KIF2A: variants seen among roughly 807,000 people sequenced by gnomAD.
The protein encoded by KIF2A is kinesin family member 2A.
KIF2A carries 22 observed loss-of-function variants against 100.2 expected under a neutral mutation model. The observed-to-expected ratio is 0.22, with a 90% CI of 0.16 to 0.31. The LOEUF is 0.31. Ranked by LOEUF, KIF2A falls within the 10% of genes least tolerant of loss-of-function variation. The probability of loss-of-function intolerance (pLI) is 1.00; values close to 1 mark genes in which losing one functional copy is unlikely to be tolerated. For synonymous variants in KIF2A, 268 were observed against 285.9 expected, an observed-to-expected ratio of 0.94 and a Z score of 0.63; for missense variants, 495 against 898.7, an observed-to-expected ratio of 0.55 and a Z score of 5.74.
intron 1 of KIF2A, among the ~76,000 whole-genome samples, 157 bp downstream of exon 1, chr5:62,306,693 T>G (rs1745297514): frequency 6.6e-6 from 1 of 151,922 alleles, no homozygotes; most frequent in Admixed American, 6.5e-5. Context: ...TGTGTGCCAG[T>G]GAGGCCGGCT....
intron 17 of KIF2A, 57 bp from the exon 18 acceptor site, chr5:62,373,630 T>C: frequency 7.6e-7 from 1 of 1,317,696 alleles, no homozygotes; most frequent in Admixed American, 1.9e-5. Flanking sequence ...AGGCTGGTAT[T>C]TTCTCGTTCC....
intron 1 of KIF2A, among the ~76,000 whole-genome samples, chr5:62,310,797 C>G (rs1745518572): frequency 6.6e-6 from 1 of 152,092 alleles, no homozygotes; most frequent in Non-Finnish European, 1.5e-5. Flanking sequence ...GATTCAATTC[C>G]TTTCCCTTTT....
chr5:62,347,935 T>G (rs1465738803), intron 2 of KIF2A, 113 bp from the exon 3 acceptor site: 1 of 1,159,150 alleles, frequency 8.6e-7, no homozygotes, highest in Non-Finnish European at 1.2e-6. Context: ...AGTTACTGTA[T>G]TCATTAGGCT....
chr5:62,363,103 C>T (rs957229126), intron 12 of KIF2A, 75 bp from the exon 13 acceptor site: 1 of 1,249,298 alleles, frequency 8.0e-7, no homozygotes, highest in Non-Finnish European at 1.1e-6. Context: ...GCTGGGATTA[C>T]AGGCGTGAGC....
At chr5:62,368,302 A>C (rs957197209) in intron 16 of KIF2A, among the ~76,000 whole-genome samples, 1 of 151,618 alleles carries the variant, frequency 6.6e-6, no homozygotes, top group Non-Finnish European at 1.5e-5. Flanking sequence ...TTTTACTATG[A>C]ATCTATTTCT....
chr5:62,313,348 A>G (rs1312229976), intron 1 of KIF2A, among the ~76,000 whole-genome samples: 1 of 152,086 alleles, frequency 6.6e-6, no homozygotes, highest in Admixed American at 6.6e-5. Context: ...TTCCTGATGA[A>G]TTTAGCCTCA....
intron 1 of KIF2A, among the ~76,000 whole-genome samples, chr5:62,309,314 G>A (rs1247850733): frequency 2.0e-5 from 3 of 152,178 alleles, no homozygotes; most frequent in Admixed American, 1.3e-4. Context: ...AGAAATTAGG[G>A]AAGTCATCAC....
chr5:62,314,766 T>TTTTG (rs1554038395), intron 1 of KIF2A, among the ~76,000 whole-genome samples: 13 of 146,914 alleles, frequency 8.8e-5, no homozygotes, highest in African/African-American at 1.2e-4. Context: ...CTGTTTTTTT[T>TTTTG]TTTTTTTTTT....
chr5:62,340,085 A>C (rs1747214750), intron 1 of KIF2A, among the ~76,000 whole-genome samples: 1 of 151,834 alleles, frequency 6.6e-6, no homozygotes, highest in Admixed American at 6.6e-5. Context: ...ACAGGCACGC[A>C]CCACCATGCC....
chr5:62,319,934 A>T (rs970043722), intron 1 of KIF2A, among the ~76,000 whole-genome samples: 6 of 152,056 alleles, frequency 3.9e-5, no homozygotes, highest in Admixed American at 3.9e-4. Context: ...TCCTACCCCT[A>T]CCCCACAGCT....
intron 20 of KIF2A, among the ~76,000 whole-genome samples, chr5:62,384,160 C>T (rs1741912307): frequency 6.6e-6 from 1 of 152,024 alleles, no homozygotes; most frequent in Non-Finnish European, 1.5e-5. Context: ...TCACTTGAAC[C>T]CGGGGCAGGG....
chr5:62,366,974 G>A (rs566292361), intron 16 of KIF2A, among the ~76,000 whole-genome samples: 1 of 152,292 alleles, frequency 6.6e-6, no homozygotes, highest in East Asian at 1.9e-4. Context: ...AAGTGGAAAT[G>A]GGTAATTTGG....
chr5:62,358,060 A>AATTTT, intron 8 of KIF2A, 77 bp from the exon 9 acceptor site: 1 of 1,090,974 alleles, frequency 9.2e-7, no homozygotes, highest in South Asian at 1.8e-5. Flanking sequence ...CTTAGTTCTT[A>AATTTT]CTACTTAAAA....
At position 62,385,813 on chromosome 5, in the gene KIF2A, T is replaced by G; in HGVS notation, c.*244T>G. On this transcript the variant is annotated 3_prime_UTR_variant, in exon 21 of 21. Transcript: ENST00000407818. ...TGTTTCATTTACACAAATAGTGATT[T>G]ACTTTTGGAGATCCTTGTCAGTTTT... 1 of 467,522 alleles carries G rather than the reference T, an allele frequency of 2.1e-6. No homozygotes were observed. Among genetic ancestry groups the G allele is most frequent in the Non-Finnish European group, 3.8e-6 (1 of 260,212 alleles). 29.0% of individuals were successfully genotyped at this position (467,522 alleles called of 1,614,324 possible).
At chr5:62,314,843 A>G (rs1336365475) in intron 1 of KIF2A, among the ~76,000 whole-genome samples, 1 of 145,650 alleles carries the variant, frequency 6.9e-6, no homozygotes, top group East Asian at 2.0e-4. Context: ...GCTCGCTGCA[A>G]CCTCCGCCTC....
intron 3 of KIF2A, 90 bp from the exon 4 acceptor site, chr5:62,349,976 C>T: frequency 1.3e-6 from 1 of 748,880 alleles, no homozygotes; most frequent in Non-Finnish European, 2.2e-6. Flanking sequence ...ACATGTCTGC[C>T]TACTTTTGTT....
intron 1 of KIF2A, among the ~76,000 whole-genome samples, chr5:62,337,308 G>A (rs1414467078): frequency 3.3e-5 from 5 of 151,890 alleles, no homozygotes; most frequent in East Asian, 3.9e-4. Context: ...CCTGGCCAGC[G>A]TGGTGAAACC....
chr5:62,312,766 G>A (rs1010769940), intron 1 of KIF2A, among the ~76,000 whole-genome samples: 3 of 152,184 alleles, frequency 2.0e-5, no homozygotes, highest in African/African-American at 4.8e-5. Flanking sequence ...AGTGAGGGAA[G>A]TGTTCCTTTT....
intron 1 of KIF2A, among the ~76,000 whole-genome samples, chr5:62,322,329 C>CT (rs1175641029): frequency 6.6e-6 from 1 of 152,104 alleles, no homozygotes; most frequent in Non-Finnish European, 1.5e-5. Context: ...TGAGGGTTGT[C>CT]TTTTCCCTTT....
Sources: gnomAD v4.1 joint callset for allele counts (sites outside exome capture counted in the v4.1 genomes callset) on GRCh38, gnomAD v4.1.1 for gene constraint, MANE v1.5 for transcripts, NCBI Gene and HGNC (gene_info 2026-07-23, HGNC 2026-07-21) for gene names.